SESTD1: variants seen among roughly 807,000 people sequenced by gnomAD.
The protein encoded by SESTD1 is SEC14 and spectrin domain containing 1, also known as SEC14 domain and spectrin repeat-containing protein 1.
Under a neutral mutation model 101.7 loss-of-function variants are expected in SESTD1, and 43 were observed. That is an observed-to-expected ratio of 0.42 (90% CI 0.33 to 0.55). The LOEUF (loss-of-function observed/expected upper bound fraction) is 0.55. SESTD1 is among the 20% of genes least tolerant of loss of function. The pLI is 0.07. For missense variants in SESTD1, 647 were observed against 815.1 expected (o/e 0.79, Z 2.51); for synonymous variants, 283 against 286.8 (o/e 0.99, Z 0.13).
chr2:179,212,189 G>A lies in SESTD1; in HGVS notation c.-25-20323C>T, dbSNP rs187948403. Among the ~76,000 whole-genome samples the A allele has an allele frequency of 8.4e-4, 112 of 134,050 alleles. 7 individuals are homozygous for A. The East Asian group carries it at 0.02, about 24-fold the overall frequency. The allele number at this position is 134,050 out of a possible 152,430, so 87.9% of individuals were successfully genotyped here. ...CATGGAGGGCAAGCCGAAGCAGGGC[G>A]GGGAGTTGCTTCACCTAGGAAGCGC... On this transcript the variant is annotated intron_variant, in intron 1 of 17. Coordinates refer to ENST00000428443, the MANE Select transcript of SESTD1 (RefSeq NM_178123.5).
chr2:179,178,777 T>G (rs1395921463), intron 3 of SESTD1, among the ~76,000 whole-genome samples: 1 of 152,296 alleles, frequency 6.6e-6, no homozygotes, highest in East Asian at 1.9e-4. Flanking sequence ...ATTCTCATAA[T>G]GTGATACTTT....
rs1007036477 is a variant in SESTD1 at position 179,107,535 on chromosome 2, A to C, written c.*2364T>G. Reference sequence around the variant, plus strand: ...AACTACTCTGAAATTCAGAAGAAACAGATATTGAGTATTGATATTTAGTTA... The same window carrying C: ...AACTACTCTGAAATTCAGAAGAAACCGATATTGAGTATTGATATTTAGTTA... On this transcript the variant is annotated 3_prime_UTR_variant, in exon 18 of 18. Transcript: ENST00000428443. 1 of 152,160 alleles carries C rather than the reference A, an allele frequency of 6.6e-6. No individual in the cohort carries two copies. Among genetic ancestry groups the C allele is most frequent in the Non-Finnish European group, 1.5e-5 (1 of 68,006 alleles). The allele number at this position is 152,160 out of a possible 1,614,324, so 9.4% of individuals were successfully genotyped here. A position where few individuals can be genotyped will look rare whatever the true frequency, so the allele number is the denominator to read the frequency against.
intron 17 of SESTD1, among the ~76,000 whole-genome samples, chr2:179,110,298 T>C (rs1410372066): frequency 1.3e-5 from 2 of 152,108 alleles, no homozygotes; most frequent in African/African-American, 2.4e-5. Context: ...TAGCAACAAA[T>C]TGAACAATGA....
chr2:179,248,631 CA>C (rs895070183), intron 1 of SESTD1, among the ~76,000 whole-genome samples: 55 of 139,668 alleles, frequency 3.9e-4, no homozygotes, highest in African/African-American at 5.0e-4. Context: ...TGAACTCTTG[CA>C]AAAAAAAAAG....
rs1037232612 is a variant in SESTD1 at position 179,191,885 on chromosome 2, A to G, written c.-25-19T>C. ...CTTAATTCTGAAAACACAGAAAGTC[A>G]AATGTCAACTACAAGACAACAATTA... On this transcript the variant is annotated intron_variant, in intron 1 of 17. Coordinates refer to ENST00000428443, the MANE Select transcript of SESTD1 (RefSeq NM_178123.5). 1.4e-6 allele frequency: 2 copies of G among 1,476,560 alleles called. No individual in the cohort carries two copies. The highest frequency in any genetic ancestry group is 1.9e-6 in the Non-Finnish European group (2 of 1,060,894). 91.5% of individuals were successfully genotyped at this position (1,476,560 alleles called of 1,614,324 possible).
intron 3 of SESTD1, among the ~76,000 whole-genome samples, chr2:179,177,625 G>A (rs2046033785): frequency 6.6e-6 from 1 of 152,130 alleles, no homozygotes; most frequent in Non-Finnish European, 1.5e-5. Flanking sequence ...GGATGATATT[G>A]CTAAAAGTTT....
chr2:179,118,210 A>T lies in SESTD1; in HGVS notation c.1443-597T>A, dbSNP rs988271006. 2.0e-5 allele frequency among the ~76,000 whole-genome samples: 3 copies of T among 152,152 alleles called. 1 individual carries two copies. The East Asian group carries it at 5.8e-4, about 29-fold the overall frequency. On this transcript the variant is annotated intron_variant, in intron 13 of 17. Transcript: ENST00000428443. Reference sequence around the variant, plus strand: ...ATAATATTTAATTCTGATTTTTTTTAAAACCCTCCATCTACATTCTTAAAA... The same window carrying T: ...ATAATATTTAATTCTGATTTTTTTTTAAACCCTCCATCTACATTCTTAAAA...
intron 1 of SESTD1, among the ~76,000 whole-genome samples, chr2:179,193,260 C>T (rs1467153676): frequency 1.3e-5 from 2 of 152,182 alleles, no homozygotes; most frequent in African/African-American, 4.8e-5. Flanking sequence ...ACTTAAAAAA[C>T]ACAACCATTT....
At chr2:179,142,094 C>T (rs890456869) in intron 9 of SESTD1, among the ~76,000 whole-genome samples, 4 of 152,178 alleles carry the variant, frequency 2.6e-5, no homozygotes, top group Non-Finnish European at 4.4e-5. Context: ...CCAATTCTGG[C>T]CCACCACCTG....
chr2:179,166,036 G>A (rs1243619874), intron 5 of SESTD1, among the ~76,000 whole-genome samples: 1 of 152,140 alleles, frequency 6.6e-6, no homozygotes, highest in Non-Finnish European at 1.5e-5. Flanking sequence ...AGATGGAACT[G>A]GAGTACTTGC....
chr2:179,141,697 C>T (rs566297942), intron 9 of SESTD1, among the ~76,000 whole-genome samples: 1 of 152,152 alleles, frequency 6.6e-6, no homozygotes, highest in South Asian at 2.1e-4. Context: ...ACATAAGGAC[C>T]TTCCTTTTCC....
At position 179,213,974 on chromosome 2, in the gene SESTD1, A is replaced by C. The variant is rs1203205284; in HGVS notation, c.-25-22108T>G. On this transcript the variant is annotated intron_variant, in intron 1 of 17. Coordinates refer to ENST00000428443, the MANE Select transcript of SESTD1 (RefSeq NM_178123.5). Reference sequence around the variant, plus strand: ...CAGGCCTGCCCCAAAAGAGCTCCTGAAGGAAGCACTCAACATGGGAAGGAA... The same window carrying C: ...CAGGCCTGCCCCAAAAGAGCTCCTGCAGGAAGCACTCAACATGGGAAGGAA... Among the ~76,000 whole-genome samples, 2 of 134,976 alleles carry C rather than the reference A, an allele frequency of 1.5e-5. 1 individual carries two copies. Among genetic ancestry groups the C allele is most frequent in the Non-Finnish European group, 3.2e-5 (2 of 62,830 alleles). The allele number at this position is 134,976 out of a possible 152,430, so 88.5% of individuals were successfully genotyped here.
chr2:179,186,801 T>C (rs1216818376), intron 2 of SESTD1, among the ~76,000 whole-genome samples: 1 of 151,498 alleles, frequency 6.6e-6, no homozygotes, highest in East Asian at 1.9e-4. Context: ...CATTCAGGGA[T>C]TATTTTTACA....
intron 7 of SESTD1, 118 bp downstream of exon 7, chr2:179,149,179 G>T (rs2105448106): frequency 1.9e-6 from 1 of 521,366 alleles, no homozygotes; most frequent in Non-Finnish European, 3.2e-6. Flanking sequence ...CGTCAATTTT[G>T]ATTGAATGAA....
intron 1 of SESTD1, among the ~76,000 whole-genome samples, chr2:179,238,855 CCTT>C (rs1488078762): frequency 1.3e-5 from 2 of 152,080 alleles, no homozygotes; most frequent in African/African-American, 2.4e-5. Context: ...CCTCTTTTCT[CCTT>C]CTTTTCTTCC....
rs2044538429 is a variant in SESTD1, at chr2:179,112,798, C to T, written c.1887G>A (p.Glu629=). 1 of 1,613,006 alleles carries T rather than the reference C, an allele frequency of 6.2e-7. No individual in the cohort carries two copies. The highest frequency in any genetic ancestry group is 2.2e-5 in the East Asian group (1 of 44,840). The change falls in exon 17 of 18, where the codon GAG becomes GAA. Residue 629 remains glutamate, a synonymous_variant. Coordinates refer to ENST00000428443, the MANE Select transcript of SESTD1 (RefSeq NM_178123.5). ...CAACTGCTTCAATTTCATCAAATTG[C>T]TCCTCATCATTAATAGCTTCAGGCT... The part of the protein sequence containing the change: ...PEEPEAINDE[E]QFDEIEAVGK...
intron 1 of SESTD1, among the ~76,000 whole-genome samples, chr2:179,254,187 G>C (rs1277433912): frequency 6.6e-6 from 1 of 151,916 alleles, no homozygotes; most frequent in Admixed American, 6.6e-5. Context: ...AAAATAAAAA[G>C]GATGACCAGG....
chr2:179,117,467 T>G, intron 14 of SESTD1, 65 bp downstream of exon 14: 1 of 1,382,956 alleles, frequency 7.2e-7, no homozygotes. Context: ...CACTTTTGTT[T>G]GTAGTTAGAT....
chr2:179,191,210 C>T (rs2046314516), intron 2 of SESTD1, among the ~76,000 whole-genome samples: 1 of 152,054 alleles, frequency 6.6e-6, no homozygotes, highest in Non-Finnish European at 1.5e-5. Flanking sequence ...ATAAAGAAAA[C>T]GTGGTACATA....
Sources: allele counts gnomAD v4.1 joint callset (sites outside exome capture counted in the v4.1 genomes callset), GRCh38; gene constraint gnomAD v4.1.1; transcripts MANE v1.5; gene names NCBI Gene and HGNC (gene_info 2026-07-23, HGNC 2026-07-21).